The following PAWR variants were observed in gnomAD, a reference collection of about 807,000 sequenced individuals.
PAWR encodes PRKC apoptosis WT1 regulator protein.
Under a neutral mutation model 32.0 loss-of-function variants are expected in PAWR, and 23 were observed. The ratio of observed to expected loss-of-function variants is 0.72; its 90% confidence interval spans 0.52 to 1.02. The LOEUF (loss-of-function observed/expected upper bound fraction) is 1.02. Among genes scored for constraint, PAWR ranks in the 50% least tolerant of loss-of-function variants. PAWR has a pLI of 0.00. For synonymous variants in PAWR, 226 were observed against 187.1 expected (o/e 1.21, Z -1.70); for missense variants, 457 against 437.7 (o/e 1.04, Z -0.39).
chr12:79,635,191 T>C (rs1000810831), intron 2 of PAWR, among the ~76,000 whole-genome samples: 5 of 152,130 alleles, frequency 3.3e-5, no homozygotes, highest in Non-Finnish European at 7.4e-5. Flanking sequence ...CTGTGGTGTC[T>C]CAACTGGAAC....
At chr12:79,617,968 A>G (rs77570295) in intron 3 of PAWR, among the ~76,000 whole-genome samples, 1 of 152,194 alleles carries the variant, frequency 6.6e-6, no homozygotes, top group African/African-American at 2.4e-5. Flanking sequence ...TGAGGGCCTC[A>G]TAAGAAGCTG....
chr12:79,680,232 C>T (rs994668349), intron 2 of PAWR, among the ~76,000 whole-genome samples: 11 of 152,268 alleles, frequency 7.2e-5, no homozygotes, highest in African/African-American at 1.7e-4. Context: ...AACCCAGTCA[C>T]GTAGAAATAT....
intron 2 of PAWR, among the ~76,000 whole-genome samples, chr12:79,688,076 T>C (rs1007035240): frequency 5.9e-5 from 9 of 152,086 alleles, no homozygotes; most frequent in African/African-American, 2.2e-4. Flanking sequence ...CGAAAAACAT[T>C]CCAGAGTATT....
rs543385415 is a variant in PAWR at position 79,613,221 on chromosome 12, T to A, written c.683+354A>T. ...GAAATGTGAGAAAATTAATTTCTGT[T>A]AAGTCACCAGTCTATAGTATTTTGT... is the stretch of plus-strand genomic sequence containing the variant. On this transcript the variant is annotated intron_variant, in intron 4 of 6. Transcript: ENST00000328827. 2.6e-5 allele frequency among the ~76,000 whole-genome samples: 4 copies of A among 152,332 alleles called. No homozygotes were observed. The South Asian group carries it at 8.3e-4, about 32-fold the overall frequency.
At position 79,586,045 on chromosome 12, in the gene PAWR, C is replaced by T. The variant is rs189058433; in HGVS notation, c.*6562G>A. 5.9e-5 allele frequency: 9 copies of T among 152,288 alleles called. No individual in the cohort carries two copies. Among genetic ancestry groups the T allele is most frequent in the Non-Finnish European group, 2.9e-5 (2 of 68,034 alleles). 9.4% of individuals were successfully genotyped at this position (152,288 alleles called of 1,614,324 possible). A position where few individuals can be genotyped will look rare whatever the true frequency, so the allele number is the denominator to read the frequency against. On this transcript the variant is annotated 3_prime_UTR_variant, in exon 7 of 7. Transcript: ENST00000328827. ...TTCCAAAGCATCCATTTAGTCATCTCATCAAAATTTTCATTGATTTAAATA... is the reference window on the plus strand; with the variant it reads ...TTCCAAAGCATCCATTTAGTCATCTTATCAAAATTTTCATTGATTTAAATA...
intron 2 of PAWR, among the ~76,000 whole-genome samples, chr12:79,649,525 G>A (rs772023604): frequency 6.6e-6 from 1 of 152,118 alleles, no homozygotes; most frequent in Non-Finnish European, 1.5e-5. Context: ...AGTGGCTCAT[G>A]CTTGTAATCC....
chr12:79,587,549 G>A lies in PAWR; in HGVS notation c.*5058C>T, dbSNP rs1386979947. 6.6e-6 allele frequency: 1 copy of A among 151,860 alleles called. No individual in the cohort carries two copies. The highest frequency in any genetic ancestry group is 1.5e-5 in the Non-Finnish European group (1 of 67,838). The allele number at this position is 151,860 out of a possible 1,614,324, so 9.4% of individuals were successfully genotyped here. On this transcript the variant is annotated 3_prime_UTR_variant, in exon 7 of 7. Coordinates refer to ENST00000328827, the MANE Select transcript of PAWR (RefSeq NM_002583.4). ...AAATTTTCAGTCAGGCTGAACTTTT[G>A]TGCACTTCCTCATTTATTCGAGAAA...
At chr12:79,613,934 TATATATATATA>T (rs1566002464) in intron 3 of PAWR, among the ~76,000 whole-genome samples, 208 of 3,972 alleles carry the variant, frequency 0.052, 4 homozygotes, top group African/African-American at 0.11. Context: ...ACCACCATTA[TATATATATATA>T]TATATATATA....
chr12:79,620,553 A>C (rs553567516), intron 3 of PAWR, among the ~76,000 whole-genome samples: 2 of 152,314 alleles, frequency 1.3e-5, no homozygotes, highest in East Asian at 3.9e-4. Flanking sequence ...AAGGTCAGAA[A>C]GGGAGTCCCA....
At position 79,690,271 on chromosome 12, in the gene PAWR, C is replaced by T; in HGVS notation, c.-27G>A. 2 of 1,453,900 alleles carry T rather than the reference C, an allele frequency of 1.4e-6. No homozygotes were observed. The highest frequency in any genetic ancestry group is 1.8e-6 in the Non-Finnish European group (2 of 1,106,280). The allele number at this position is 1,453,900 out of a possible 1,614,324, so 90.1% of individuals were successfully genotyped here. A position where few individuals can be genotyped will look rare whatever the true frequency, so the allele number is the denominator to read the frequency against. ...TTCCCAAAGGGGCCGGTCGGGCTCTCACCTCAGGCCGCCCACCAGGGCTCC... is the reference window on the plus strand; with the variant it reads ...TTCCCAAAGGGGCCGGTCGGGCTCTTACCTCAGGCCGCCCACCAGGGCTCC... On this transcript the variant is annotated 5_prime_UTR_variant, in exon 2 of 7. Coordinates refer to ENST00000328827, the MANE Select transcript of PAWR (RefSeq NM_002583.4).
chr12:79,655,838 T>A (rs1228996552), intron 2 of PAWR, among the ~76,000 whole-genome samples: 1 of 152,204 alleles, frequency 6.6e-6, no homozygotes, highest in East Asian at 1.9e-4. Flanking sequence ...ACAAAGTCAA[T>A]ACAAAAATAT....
intron 2 of PAWR, among the ~76,000 whole-genome samples, chr12:79,642,586 T>C (rs777150330): frequency 6.6e-6 from 1 of 152,170 alleles, no homozygotes; most frequent in Non-Finnish European, 1.5e-5. Context: ...TCTGTGTGTG[T>C]GCATCCTTGG....
Position 79,605,362 on chromosome 12 carries a change from T to C in PAWR, c.683+8213A>G, listed in dbSNP as rs8176895. ...AGAGCTAGACAAGTCCAGAAAACACTCTCCAAATATAGTTTATTATATACA... is the reference window on the plus strand; with the variant it reads ...AGAGCTAGACAAGTCCAGAAAACACCCTCCAAATATAGTTTATTATATACA... On this transcript the variant is annotated intron_variant, in intron 4 of 6. Coordinates refer to ENST00000328827, the MANE Select transcript of PAWR (RefSeq NM_002583.4). Among the ~76,000 whole-genome samples the C allele has an allele frequency of 1.6e-3, 240 of 152,214 alleles. 1 individual carries two copies. The highest frequency in any genetic ancestry group is 5.5e-3 in the African/African-American group (227 of 41,538).
chr12:79,604,514 A>T, intron 4 of PAWR: 1 of 1,155,584 alleles, frequency 8.7e-7, no homozygotes, highest in Non-Finnish European at 1.1e-6. Context: ...CAATGAGAAG[A>T]AATACAAGAC....
intron 2 of PAWR, among the ~76,000 whole-genome samples, chr12:79,662,201 CAA>C (rs57565065): frequency 1.8e-4 from 8 of 45,714 alleles, no homozygotes; most frequent in African/African-American, 4.2e-4. Flanking sequence ...AGACATCTCT[CAA>C]AAAAAAAAAA....
At position 79,604,360 on chromosome 12, in the gene PAWR, C is replaced by T. The variant is rs1255818119; in HGVS notation, c.684-7702G>A. On this transcript the variant is annotated intron_variant, in intron 4 of 6. Coordinates refer to ENST00000328827, the MANE Select transcript of PAWR (RefSeq NM_002583.4). ...GAAGTTTTCCCCCTCTGGGAATTTT[C>T]GCATCTTATGTAGAAACACCAGGGG... The T allele has an allele frequency of 5.0e-6, 5 of 1,001,834 alleles. No individual in the cohort carries two copies. In the African/African-American group the frequency reaches 5.2e-5, roughly 10 times the overall value. 62.1% of individuals were successfully genotyped at this position (1,001,834 alleles called of 1,614,324 possible).
chr12:79,640,286 A>C (rs930219087), intron 2 of PAWR, among the ~76,000 whole-genome samples: 2 of 151,998 alleles, frequency 1.3e-5, no homozygotes, highest in Non-Finnish European at 2.9e-5. Context: ...CCTTAGTCCT[A>C]AATCCTCCAC....
intron 2 of PAWR, among the ~76,000 whole-genome samples, chr12:79,669,022 G>T (rs1877754575): frequency 6.6e-6 from 1 of 152,204 alleles, no homozygotes; most frequent in Non-Finnish European, 1.5e-5. Context: ...AAGGAAGAAT[G>T]AAGTACATTT....
At chr12:79,628,726 T>C (rs1414984956) in intron 2 of PAWR, among the ~76,000 whole-genome samples, 1 of 152,090 alleles carries the variant, frequency 6.6e-6, no homozygotes, top group East Asian at 1.9e-4. Context: ...TCCAAAATGG[T>C]CAATACATGA....
Sources: allele counts gnomAD v4.1 joint callset (sites outside exome capture counted in the v4.1 genomes callset), GRCh38; gene constraint gnomAD v4.1.1; transcripts MANE v1.5; gene names NCBI Gene and HGNC (gene_info 2026-07-23, HGNC 2026-07-21).